SPDYE3: variants seen among roughly 807,000 people sequenced by gnomAD.
SPDYE3 encodes speedy/RINGO cell cycle regulator family member E3.
A neutral mutation model predicts 55.0 loss-of-function variants in SPDYE3; 15 were observed. That is an observed-to-expected ratio of 0.27 (90% CI 0.18 to 0.42). SPDYE3 has a LOEUF of 0.42. Among genes scored for constraint, SPDYE3 ranks in the 10% least tolerant of loss-of-function variants. The pLI is 1.00. For synonymous variants in SPDYE3, 89 were observed against 229.9 expected, an observed-to-expected ratio of 0.39 and a Z score of 5.55; for missense variants, 236 against 576.7, an observed-to-expected ratio of 0.41 and a Z score of 6.05.
intron 6 of SPDYE3, among the ~76,000 whole-genome samples, chr7:100,315,202 C>T (rs1012586179): frequency 2.0e-5 from 3 of 152,038 alleles, no homozygotes; most frequent in Admixed American, 1.3e-4. Flanking sequence ...TTGCTTAAAC[C>T]CAGGAGGCAG....
At position 100,319,722 on chromosome 7, in the gene SPDYE3, CAGAT is replaced by C. The variant is rs747287616; in HGVS notation, c.1507_1510del (p.Ile503ProfsTer55). 5.6e-6 allele frequency: 9 copies of C among 1,614,238 alleles called. No homozygotes were observed. Among genetic ancestry groups the C allele is most frequent in the Non-Finnish European group, 7.6e-6 (9 of 1,180,044 alleles). ...CCCGAGGGCCAGGAAGAACTGCTCT[CAGAT>C]AGCCTTGTTCCAGAAGCGTCGGTTC... On this transcript the variant is annotated frameshift_variant, in exon 9 of 11. Coordinates refer to ENST00000332397, the MANE Select transcript of SPDYE3 (RefSeq NM_001004351.5). LOFTEE classifies it high-confidence loss of function.
intron 4 of SPDYE3, among the ~76,000 whole-genome samples, chr7:100,312,396 C>A (rs1385362198): frequency 1.4e-5 from 2 of 145,176 alleles, no homozygotes; most frequent in Non-Finnish European, 3.0e-5. Flanking sequence ...ACTCGGGAGG[C>A]TGAGACAGGA....
intron 10 of SPDYE3, chr7:100,320,674 C>T: frequency 9.3e-7 from 1 of 1,073,034 alleles, no homozygotes; most frequent in Non-Finnish European, 1.2e-6. Flanking sequence ...CTGGGGCTGA[C>T]CTTGGGTGTA....
intron 8 of SPDYE3, among the ~76,000 whole-genome samples, chr7:100,319,339 C>T (rs1212816651): frequency 6.6e-6 from 1 of 152,216 alleles, no homozygotes; most frequent in African/African-American, 2.4e-5. Flanking sequence ...TAAGCCACCA[C>T]TCTTGGTCAC....
intron 2 of SPDYE3, among the ~76,000 whole-genome samples, chr7:100,309,569 A>C (rs868418515): frequency 1.6e-5 from 2 of 126,278 alleles, no homozygotes; most frequent in Non-Finnish European, 3.7e-5. Flanking sequence ...CAAAAGAAAA[A>C]CCAAGGCTGG....
intron 4 of SPDYE3, among the ~76,000 whole-genome samples, 185 bp from the exon 5 acceptor site, chr7:100,312,955 G>C (rs1025154988): frequency 1.3e-5 from 2 of 149,812 alleles, no homozygotes; most frequent in African/African-American, 4.9e-5. Context: ...GACAGAGAGA[G>C]GGAAGAATGG....
intron 7 of SPDYE3, 48 bp downstream of exon 7, chr7:100,315,891 A>G: frequency 6.3e-7 from 1 of 1,595,174 alleles, no homozygotes; most frequent in Non-Finnish European, 8.5e-7. Context: ...ACGCACGGCC[A>G]GGGGGAGGGC....
intron 8 of SPDYE3, 133 bp downstream of exon 8, chr7:100,317,288 T>C (rs1563094363): frequency 3.4e-6 from 5 of 1,462,480 alleles, no homozygotes; most frequent in Non-Finnish European, 1.9e-6. Context: ...GACAGGATTA[T>C]AGTATCTTAG....
chr7:100,308,365 G>C (rs1435756288), intron 1 of SPDYE3, among the ~76,000 whole-genome samples: 1 of 148,978 alleles, frequency 6.7e-6, no homozygotes, highest in African/African-American at 2.5e-5. Flanking sequence ...AGAAAAAAAA[G>C]AAGGGTCAGA....
At chr7:100,315,910 CA>C (rs1443916825) in intron 7 of SPDYE3, 67 bp downstream of exon 7, 1 of 1,593,260 alleles carries the variant, frequency 6.3e-7, no homozygotes, top group Non-Finnish European at 8.5e-7. Flanking sequence ...GCGCAGCTTC[CA>C]AACCCACAGT....
rs200571686 is a variant in SPDYE3, at chr7:100,320,882, C to A, written c.*46-9C>A. ...CCTTGAGGTGTGACATTGTCTCTCTCACTTCCAGAACACCGGACCCAGGGG... is the reference window on the plus strand; with the variant it reads ...CCTTGAGGTGTGACATTGTCTCTCTAACTTCCAGAACACCGGACCCAGGGG... On this transcript the variant is annotated splice_polypyrimidine_tract_variant and intron_variant, in intron 10 of 10. Transcript: ENST00000332397. 1.9e-3 allele frequency: 2,293 copies of A among 1,222,654 alleles called. 3 individuals carry two copies. Among genetic ancestry groups the A allele is most frequent in the Non-Finnish European group, 2.4e-3 (2,148 of 908,482 alleles). The allele number at this position is 1,222,654 out of a possible 1,614,324, so 75.7% of individuals were successfully genotyped here.
intron 8 of SPDYE3, among the ~76,000 whole-genome samples, chr7:100,318,255 G>A (rs1806157698): frequency 6.6e-6 from 1 of 152,080 alleles, no homozygotes; most frequent in South Asian, 2.1e-4. Flanking sequence ...AAGCCAAGGG[G>A]CTTCCTAGTG....
rs1046843342 is a variant in SPDYE3 at position 100,321,851 on chromosome 7, T to G, written c.*1006T>G. 29 of 148,120 alleles carry G rather than the reference T, an allele frequency of 2.0e-4. No individual in the cohort carries two copies. Among genetic ancestry groups the G allele is most frequent in the Non-Finnish European group, 4.2e-4 (28 of 67,170 alleles). 9.2% of individuals were successfully genotyped at this position (148,120 alleles called of 1,614,324 possible). On this transcript the variant is annotated 3_prime_UTR_variant, in exon 11 of 11. Coordinates refer to ENST00000332397, the MANE Select transcript of SPDYE3 (RefSeq NM_001004351.5). ...TATTTATTAAATATATTTATTTATT[T>G]AAATATTTATTAAATATATTTATTT...
rs1789589389 is a variant in SPDYE3, at chr7:100,321,942, T to C, written c.*1097T>C. ...GGAAATACTGGTATTTTTGAATAGATGCTGTTTCTATAAAGCTGTGTGATG... is the reference window on the plus strand; with the variant it reads ...GGAAATACTGGTATTTTTGAATAGACGCTGTTTCTATAAAGCTGTGTGATG... On this transcript the variant is annotated 3_prime_UTR_variant, in exon 11 of 11. Coordinates refer to ENST00000332397, the MANE Select transcript of SPDYE3 (RefSeq NM_001004351.5). The C allele has an allele frequency of 1.3e-5, 2 of 150,638 alleles. No individual in the cohort carries two copies. The highest frequency in any genetic ancestry group is 2.1e-4 in the South Asian group (1 of 4,824). 9.3% of individuals were successfully genotyped at this position (150,638 alleles called of 1,614,324 possible).
intron 8 of SPDYE3, among the ~76,000 whole-genome samples, chr7:100,318,137 C>T (rs1415438767): frequency 1.3e-5 from 2 of 152,110 alleles, no homozygotes; most frequent in Non-Finnish European, 2.9e-5. Flanking sequence ...GCAAAAGCCA[C>T]CAACCTCCTC....
At position 100,319,602 on chromosome 7, in the gene SPDYE3, C is replaced by T; in HGVS notation, c.1384C>T (p.Pro462Ser). 6.2e-7 allele frequency: 1 copy of T among 1,614,212 alleles called. No homozygotes were observed. Among genetic ancestry groups the T allele is most frequent in the South Asian group, 1.1e-5 (1 of 91,086 alleles). The change falls in exon 9 of 11, where the codon CCC becomes TCC. Residue 462 changes from proline (P) to serine (S), a missense_variant. Coordinates refer to ENST00000332397, the MANE Select transcript of SPDYE3 (RefSeq NM_001004351.5). The stretch of plus-strand genomic sequence containing the variant: ...TGACATGGAGGAGGACGACGAGGCC[C>T]CCAAACAAAAGATCTTCTACTTCCT... ...ANDMEEDDEA[P>S]KQKIFYFLYG...
chr7:100,315,696 C>T (rs566772695), intron 6 of SPDYE3, 89 bp from the exon 7 acceptor site: 1 of 1,590,028 alleles, frequency 6.3e-7, no homozygotes, highest in South Asian at 1.1e-5. Context: ...GAGACTTTCC[C>T]CCGGGAGGCA....
Position 100,319,704 on chromosome 7 carries a change from G to T in SPDYE3, c.1486G>T (p.Ala496Ser), listed in dbSNP as rs748421476. The T allele has an allele frequency of 6.2e-7, 1 of 1,614,220 alleles. No homozygotes were observed. The highest frequency in any genetic ancestry group is 1.1e-5 in the South Asian group (1 of 91,088). Reference sequence around the variant, plus strand: ...GTTATGCCGTCCCATGAACCCGAGGGCCAGGAAGAACTGCTCTCAGATAGC... The same window carrying T: ...GTTATGCCGTCCCATGAACCCGAGGTCCAGGAAGAACTGCTCTCAGATAGC... ...FQLCRPMNPR[A>S]RKNCSQIALF... is the part of the protein sequence containing the mutation. The change falls in exon 9 of 11, where the codon GCC (alanine) becomes TCC (serine). Residue 496 changes from alanine (A) to serine (S), a missense_variant. Physicochemically the swap from Ala to Ser is moderately conservative, Grantham distance 99. Transcript: ENST00000332397.
At chr7:100,317,504 C>T (rs1417677939) in intron 8 of SPDYE3, among the ~76,000 whole-genome samples, 2 of 151,918 alleles carry the variant, frequency 1.3e-5, no homozygotes, top group African/African-American at 4.8e-5. Flanking sequence ...ACTTGGGAGG[C>T]TGAGGCATGA....
Sources: gnomAD v4.1 joint callset for allele counts (sites outside exome capture counted in the v4.1 genomes callset) on GRCh38, gnomAD v4.1.1 for gene constraint, MANE v1.5 for transcripts, NCBI Gene and HGNC (gene_info 2026-07-23, HGNC 2026-07-21) for gene names.